Variants in GSR observed in about 807,000 individuals in gnomAD.
The protein encoded by GSR is glutathione-disulfide reductase, also known as glutathione reductase, mitochondrial.
In GSR, 48 loss-of-function variants were observed where a neutral mutation model predicts 56.5. The ratio of observed to expected loss-of-function variants is 0.85; its 90% CI spans 0.67 to 1.08. The LOEUF is 1.08. Ranked by LOEUF, GSR falls within the 50% of genes least tolerant of loss-of-function variation. The probability of loss-of-function intolerance (pLI) is 0.00; values close to 1 mark genes in which losing one functional copy is unlikely to be tolerated. For missense variants in GSR, 694 were observed against 703.3 expected, an observed-to-expected ratio of 0.99 and a Z score of 0.15; for synonymous variants, 264 against 270.8, an observed-to-expected ratio of 0.97 and a Z score of 0.25.
At chr8:30,710,612 T>C (rs1804096667) in intron 2 of GSR, among the ~76,000 whole-genome samples, 1 of 147,846 alleles carries the variant, frequency 6.8e-6, no homozygotes, top group Admixed American at 6.9e-5. Flanking sequence ...CCCAGCTACT[T>C]GTGCTGAGGC....
intron 4 of GSR, among the ~76,000 whole-genome samples, chr8:30,704,375 AG>A (rs1215209210): frequency 6.6e-5 from 10 of 152,282 alleles, no homozygotes; most frequent in East Asian, 5.8e-4. Context: ...GAAAGACAAC[AG>A]GATAATGGTG....
At chr8:30,684,839 T>G (rs185536014) in intron 9 of GSR, among the ~76,000 whole-genome samples, 1 of 152,088 alleles carries the variant, frequency 6.6e-6, no homozygotes, top group African/African-American at 2.4e-5. Flanking sequence ...AATCTTGACC[T>G]CCTGGGCTTA....
chr8:30,703,264 G>C (rs777898088), intron 4 of GSR, 24 bp from the exon 5 acceptor site: 17 of 1,609,506 alleles, frequency 1.1e-5, no homozygotes, highest in Middle Eastern at 1.7e-4. Context: ...CATGACATTA[G>C]CCTGTTCTTA....
chr8:30,688,433 G>A (rs1213340323), intron 9 of GSR, among the ~76,000 whole-genome samples: 2 of 151,702 alleles, frequency 1.3e-5, no homozygotes, highest in Non-Finnish European at 2.9e-5. Flanking sequence ...TTAAAAATTA[G>A]CCAGGTGTGG....
intron 1 of GSR, among the ~76,000 whole-genome samples, chr8:30,720,081 T>G (rs1433474118): frequency 6.6e-6 from 1 of 151,956 alleles, no homozygotes; most frequent in Non-Finnish European, 1.5e-5. Context: ...GGGTGTGGTG[T>G]TGCACGCCTG....
chr8:30,721,857 C>CA lies in GSR; in HGVS notation c.306+5672dup, dbSNP rs1242902727. On this transcript the variant is annotated intron_variant, in intron 1 of 12. Transcript: ENST00000221130. ...CCAACGTGGTGAAACCTCGTCTCTACAAAAAAAAAATTAGCTGGGTGTAGT... is the reference window on the plus strand; with the variant it reads ...CCAACGTGGTGAAACCTCGTCTCTACAAAAAAAAAAATTAGCTGGGTGTAGT... Among the ~76,000 whole-genome samples, 16 of 145,618 alleles carry CA rather than the reference C, an allele frequency of 1.1e-4. No individual in the cohort carries two copies. The East Asian group carries it at 1.6e-3, about 15-fold the overall frequency.
In GSR at chr8:30,678,206, T is replaced by C. The variant is rs1473572058; in HGVS notation, c.*1314A>G. The C allele has an allele frequency of 1.3e-5, 2 of 152,008 alleles. No homozygotes were observed. The highest frequency in any genetic ancestry group is 6.6e-5 in the Admixed American group (1 of 15,240). 9.4% of individuals were successfully genotyped at this position (152,008 alleles called of 1,614,324 possible). On this transcript the variant is annotated 3_prime_UTR_variant, in exon 13 of 13. Coordinates refer to ENST00000221130, the MANE Select transcript of GSR (RefSeq NM_000637.5). Reference sequence around the variant, plus strand: ...CAGAGGAAGGGACTTTTGATGTATTTGAATCCACCTCCTTCTGAAAGCAGG... The same window carrying C: ...CAGAGGAAGGGACTTTTGATGTATTCGAATCCACCTCCTTCTGAAAGCAGG...
rs936468581 is a variant in GSR at position 30,727,652 on chromosome 8, C to A, written c.184G>T (p.Val62Leu). Residue 62 changes from valine to leucine, a missense_variant, in exon 1 of 13, where the codon GTG becomes TTG. Val to Leu is a conservative substitution (Grantham distance 32). Transcript: ENST00000221130. ...ATCACCAGGTAGTCATAGGAGGCCA[C>A]GGCGCCAGCAGCGGGCGGCGGGCCC... Reference protein sequence around the residue: ...PQGPPPAAGAVASYDYLVIGG... With the variant: ...PQGPPPAAGALASYDYLVIGG... 3 of 1,465,996 alleles carry A rather than the reference C, an allele frequency of 2.0e-6. No individual in the cohort carries two copies. Among genetic ancestry groups the A allele is most frequent in the Non-Finnish European group, 2.7e-6 (3 of 1,117,684 alleles). 90.8% of individuals were successfully genotyped at this position (1,465,996 alleles called of 1,614,324 possible). A position where few individuals can be genotyped will look rare whatever the true frequency, so the allele number is the denominator to read the frequency against.
At chr8:30,689,639 G>A (rs370293707) in intron 8 of GSR, among the ~76,000 whole-genome samples, 5 of 151,464 alleles carry the variant, frequency 3.3e-5, no homozygotes, top group African/African-American at 1.2e-4. Flanking sequence ...CATTTTAAGT[G>A]GTAAACCTAA....
At chr8:30,680,825 C>T in intron 12 of GSR, 79 bp downstream of exon 12, 1 of 1,338,170 alleles carries the variant, frequency 7.5e-7, no homozygotes, top group Non-Finnish European at 1.1e-6. Flanking sequence ...CTTGGTCTCC[C>T]TCCTTTCCAC....
intron 4 of GSR, among the ~76,000 whole-genome samples, chr8:30,706,370 G>T (rs1470039161): frequency 6.6e-6 from 1 of 151,928 alleles, no homozygotes; most frequent in African/African-American, 2.4e-5. Flanking sequence ...AGGTGTGGGG[G>T]CACGTGCCTG....
rs74518074 is a variant in GSR, at chr8:30,709,906, T to TAA, written c.334-6_334-5dup. On this transcript the variant is annotated splice_region_variant and splice_polypyrimidine_tract_variant and intron_variant, in intron 2 of 12. Coordinates refer to ENST00000221130, the MANE Select transcript of GSR (RefSeq NM_000637.5). The stretch of plus-strand genomic sequence containing the variant: ...GGACAGCTGTGTTCCACATTACCTG[T>TAA]AAAAAAAAAAAAAAAAAAGGATCCA... The TAA allele has an allele frequency of 1.8e-3, 1,811 of 997,364 alleles. No individual in the cohort carries two copies. The highest frequency in any genetic ancestry group is 3.1e-3 in the South Asian group (209 of 66,802). 61.8% of individuals were successfully genotyped at this position (997,364 alleles called of 1,614,324 possible).
At chr8:30,706,337 T>C (rs1323022048) in intron 4 of GSR, among the ~76,000 whole-genome samples, 2 of 151,574 alleles carry the variant, frequency 1.3e-5, no homozygotes, top group Admixed American at 1.3e-4. Context: ...CTATCTCTAC[T>C]AAAAATACAA....
chr8:30,708,236 C>A, intron 3 of GSR, 95 bp from the exon 4 acceptor site: 1 of 880,562 alleles, frequency 1.1e-6, no homozygotes, highest in Non-Finnish European at 1.9e-6. Flanking sequence ...AGCAGAGAAT[C>A]ACTGACTGTC....
intron 4 of GSR, chr8:30,704,832 T>C (rs1270407221): frequency 6.6e-6 from 1 of 152,150 alleles, no homozygotes; most frequent in Admixed American, 6.6e-5. Context: ...CAGAACACCA[T>C]TCCCTCAGGT....
intron 7 of GSR, among the ~76,000 whole-genome samples, chr8:30,695,083 A>G (rs1424029878): frequency 6.6e-6 from 1 of 151,726 alleles, no homozygotes; most frequent in African/African-American, 2.4e-5. Context: ...AAAAAATTTC[A>G]AGTGTATGAT....
chr8:30,714,416 G>A (rs1804257910), intron 1 of GSR, among the ~76,000 whole-genome samples: 1 of 151,824 alleles, frequency 6.6e-6, no homozygotes, highest in African/African-American at 2.4e-5. Flanking sequence ...GCCCAGGCTG[G>A]TCTTAAACTC....
At chr8:30,715,442 G>A (rs148721647) in intron 1 of GSR, among the ~76,000 whole-genome samples, 62 of 152,250 alleles carry the variant, frequency 4.1e-4, no homozygotes, top group Admixed American at 1.6e-3. Flanking sequence ...AAAGGAGGAC[G>A]CACAGCAGGG....
chr8:30,688,296 C>T (rs921978991), intron 9 of GSR, among the ~76,000 whole-genome samples: 4 of 152,170 alleles, frequency 2.6e-5, no homozygotes, highest in East Asian at 3.9e-4. Flanking sequence ...GGTGGCAGGC[C>T]GGCTGGGCAT....
Sources: gnomAD v4.1 joint callset for allele counts (sites outside exome capture counted in the v4.1 genomes callset) on GRCh38, gnomAD v4.1.1 for gene constraint, MANE v1.5 for transcripts, NCBI Gene and HGNC (gene_info 2026-07-23, HGNC 2026-07-21) for gene names.